Variants in WASF3 observed in about 807,000 individuals in gnomAD.
WASF3 encodes the protein WASP family member 3.
Under a neutral mutation model 46.6 loss-of-function variants are expected in WASF3, and 11 were observed. The ratio of observed to expected loss-of-function variants is 0.24; its 90% confidence interval spans 0.15 to 0.39. The LOEUF (loss-of-function observed/expected upper bound fraction) is 0.39, where lower values mean the gene tolerates loss of function less well. Among genes scored for constraint, WASF3 ranks in the 10% least tolerant of loss-of-function variants. WASF3 has a pLI of 1.00. For missense variants in WASF3, 576 were observed against 669.8 expected (o/e 0.86, Z 1.55); for synonymous variants, 242 against 259.7 (o/e 0.93, Z 0.65).
chr13:26,652,091 C>T (rs1187868950), intron 3 of WASF3, among the ~76,000 whole-genome samples: 1 of 152,102 alleles, frequency 6.6e-6, no homozygotes, highest in Non-Finnish European at 1.5e-5. Flanking sequence ...TAAATAGAAA[C>T]ATTTTAAACT....
chr13:26,641,269 C>T (rs1881989057), intron 2 of WASF3: 1 of 152,212 alleles, frequency 6.6e-6, no homozygotes, highest in African/African-American at 2.4e-5. Context: ...TCCCGTTTCG[C>T]ACTTACCTGG....
In WASF3 at chr13:26,577,159, C is replaced by A; in HGVS notation, c.-109+19340C>A. On this transcript the variant is annotated intron_variant, in intron 1 of 9. Coordinates refer to ENST00000335327, the MANE Select transcript of WASF3 (RefSeq NM_006646.6). ...ATTCAAGCTGATTACTGAAGATGTTCAGGGCAAAAACTTCCTAACTTCCTT... is the reference window on the plus strand; with the variant it reads ...ATTCAAGCTGATTACTGAAGATGTTAAGGGCAAAAACTTCCTAACTTCCTT... 7.9e-6 allele frequency: 6 copies of A among 763,786 alleles called. No homozygotes were observed. The South Asian group carries it at 8.1e-5, about 10-fold the overall frequency. 47.3% of individuals were successfully genotyped at this position (763,786 alleles called of 1,614,324 possible).
In WASF3 at chr13:26,682,697, C is replaced by G; in HGVS notation, c.1074C>G (p.Ala358=). The change falls in exon 9 of 10, where the codon GCC becomes GCG. Residue 358 remains alanine, a synonymous_variant. Coordinates refer to ENST00000335327, the MANE Select transcript of WASF3 (RefSeq NM_006646.6). The surrounding 1 kb of genome is among the most constrained non-coding windows in gnomAD (Gnocchi z 4.4). ...CTGTGATTCCCTCAGCACAAACTGCCTTCGTCAGCCCTCTCCAGATGCCCA... is the reference window on the plus strand; with the variant it reads ...CTGTGATTCCCTCAGCACAAACTGCGTTCGTCAGCCCTCTCCAGATGCCCA... ...PPPVIPSAQT[A]FVSPLQMPMQ... The G allele has an allele frequency of 6.2e-7, 1 of 1,614,156 alleles. No homozygotes were observed. The highest frequency in any genetic ancestry group is 8.5e-7 in the Non-Finnish European group (1 of 1,180,046).
intron 1 of WASF3, among the ~76,000 whole-genome samples, chr13:26,568,130 T>C (rs1879527456): frequency 6.6e-6 from 1 of 152,130 alleles, no homozygotes; most frequent in Non-Finnish European, 1.5e-5. Flanking sequence ...TAGACTGTGG[T>C]GCACTTTGGA....
chr13:26,540,095 C>T, the WASF3 span, among the ~76,000 whole-genome samples: 277 of 152,236 alleles, frequency 1.8e-3, 1 homozygote, highest in African/African-American at 6.5e-3. Context: ...GATCCTAAGC[C>T]AGACAGGTCC....
At chr13:26,643,956 G>A (rs1164989159) in intron 3 of WASF3, among the ~76,000 whole-genome samples, 4 of 152,216 alleles carry the variant, frequency 2.6e-5, no homozygotes, top group Non-Finnish European at 5.9e-5. Context: ...TATGTTACGT[G>A]TAAGAGGGAA....
chr13:26,642,624 A>G, intron 3 of WASF3, among the ~76,000 whole-genome samples: 1 of 152,250 alleles, frequency 6.6e-6, no homozygotes. Flanking sequence ...CTCACAAATT[A>G]TTAGATGAGA....
chr13:26,621,559 A>G (rs184111837), intron 2 of WASF3, among the ~76,000 whole-genome samples: 25 of 152,188 alleles, frequency 1.6e-4, no homozygotes, highest in Admixed American at 3.9e-4. Flanking sequence ...CAGTTCCCCA[A>G]TTCCTAGTCC....
chr13:26,587,027 T>C (rs1880147183), intron 1 of WASF3, among the ~76,000 whole-genome samples: 1 of 135,576 alleles, frequency 7.4e-6, no homozygotes, highest in African/African-American at 2.8e-5. Context: ...CACTTGAGCC[T>C]GGGAGGTGGA....
chr13:26,570,510 C>T (rs781578678), intron 1 of WASF3, among the ~76,000 whole-genome samples: 4 of 152,008 alleles, frequency 2.6e-5, no homozygotes, highest in African/African-American at 4.8e-5. Context: ...TTCTTATTTA[C>T]CTTTTTTTCA....
chr13:26,639,814 C>G (rs1326417278), intron 2 of WASF3: 1 of 152,452 alleles, frequency 6.6e-6, no homozygotes, highest in African/African-American at 2.4e-5. Flanking sequence ...AGCACAGGGT[C>G]CTTGAGGAGG....
intron 1 of WASF3, among the ~76,000 whole-genome samples, chr13:26,602,952 A>T (rs1286204417): frequency 6.6e-6 from 1 of 152,174 alleles, no homozygotes; most frequent in Non-Finnish European, 1.5e-5. Flanking sequence ...TCTGGTTATG[A>T]TCTAACCCGT....
chr13:26,573,761 A>G (rs1003915644), intron 1 of WASF3, among the ~76,000 whole-genome samples: 1 of 152,214 alleles, frequency 6.6e-6, no homozygotes, highest in African/African-American at 2.4e-5. Flanking sequence ...AAATGAATTC[A>G]TCCATGAAAC....
chr13:26,543,477 G>A, the WASF3 span, among the ~76,000 whole-genome samples: 1 of 152,110 alleles, frequency 6.6e-6, no homozygotes, highest in Non-Finnish European at 1.5e-5. Flanking sequence ...ATTATTACTA[G>A]TATTGTACTG....
intron 3 of WASF3, among the ~76,000 whole-genome samples, chr13:26,649,584 C>T (rs557254548): frequency 1.6e-4 from 24 of 152,274 alleles, no homozygotes; most frequent in African/African-American, 5.3e-4. Context: ...TTGTGGGAAC[C>T]GTTTCAGGGT....
chr13:26,637,751 T>C (rs1881873189), intron 2 of WASF3, among the ~76,000 whole-genome samples: 1 of 152,214 alleles, frequency 6.6e-6, no homozygotes, highest in African/African-American at 2.4e-5. Context: ...CACTGTAATC[T>C]TTAGCAATCG....
chr13:26,560,877 G>C (rs2137136873), intron 1 of WASF3, among the ~76,000 whole-genome samples: 1 of 152,306 alleles, frequency 6.6e-6, no homozygotes, highest in East Asian at 1.9e-4. Flanking sequence ...TCTGAAAGGG[G>C]CCAGCAACAA....
intron 2 of WASF3, among the ~76,000 whole-genome samples, chr13:26,615,073 A>G (rs997581761): frequency 6.6e-6 from 1 of 151,994 alleles, no homozygotes; most frequent in African/African-American, 2.4e-5. Context: ...TATGCCCATC[A>G]GAGGTGGCCT....
chr13:26,642,292 A>G lies in WASF3; in HGVS notation c.22A>G (p.Ile8Val), dbSNP rs771147481. MPLVKRN[I>V]EPRHLCRGAL... Reference sequence around the variant, plus strand: ...AACCATGCCTTTAGTGAAGAGGAACATTGAGCCCCGGCACTTGTGCCGGGG... The same window carrying G: ...AACCATGCCTTTAGTGAAGAGGAACGTTGAGCCCCGGCACTTGTGCCGGGG... Residue 8 changes from isoleucine (I) to valine (V), a missense_variant, in exon 3 of 10, where the codon ATT becomes GTT. Physicochemically the swap from Ile to Val is conservative, Grantham distance 29. Transcript: ENST00000335327. 1.3e-6 allele frequency: 2 copies of G among 1,586,600 alleles called. No homozygotes were observed. Among genetic ancestry groups the G allele is most frequent in the South Asian group, 2.3e-5 (2 of 85,410 alleles).
Sources: allele counts gnomAD v4.1 joint callset (sites outside exome capture counted in the v4.1 genomes callset), GRCh38; gene constraint gnomAD v4.1.1; non-coding constraint Gnocchi (gnomAD v3.1); transcripts MANE v1.5; gene names NCBI Gene and HGNC (gene_info 2026-07-23, HGNC 2026-07-21).